SGCD: variants seen among roughly 807,000 people sequenced by gnomAD.
The protein encoded by SGCD is delta-sarcoglycan.
A neutral mutation model predicts 36.6 loss-of-function variants in SGCD; 18 were observed. The ratio of observed to expected loss-of-function variants is 0.49; its 90% CI spans 0.34 to 0.73. The LOEUF (loss-of-function observed/expected upper bound fraction) is 0.73. Among genes scored for constraint, SGCD ranks in the 30% least tolerant of loss-of-function variants. The pLI is 0.01. For synonymous variants in SGCD, 133 were observed against 130.6 expected, an observed-to-expected ratio of 1.02 and a Z score of -0.12; for missense variants, 387 against 346.7, an observed-to-expected ratio of 1.12 and a Z score of -0.92.
chr5:155,948,421 T>C (rs534740083), intron 1 of SGCD, among the ~76,000 whole-genome samples: 1 of 152,314 alleles, frequency 6.6e-6, no homozygotes, highest in East Asian at 1.9e-4. Context: ...CCACATCTCC[T>C]GTTGCCCATG....
At chr5:156,576,579 AG>A (rs1759967624) in intron 4 of SGCD, among the ~76,000 whole-genome samples, 2 of 152,180 alleles carry the variant, frequency 1.3e-5, no homozygotes, top group South Asian at 4.1e-4. Context: ...CATCCTCTCC[AG>A]CACTTGTTGT....
chr5:156,072,974 AG>A (rs1248010938), intron 1 of SGCD, among the ~76,000 whole-genome samples: 2 of 152,074 alleles, frequency 1.3e-5, no homozygotes, highest in African/African-American at 4.8e-5. Context: ...CTTGGCTTTC[AG>A]CTCCATCAGC....
At chr5:156,259,624 G>A (rs1374778009) in intron 3 of SGCD, among the ~76,000 whole-genome samples, 1 of 152,020 alleles carries the variant, frequency 6.6e-6, no homozygotes, top group Non-Finnish European at 1.5e-5. Flanking sequence ...AGTAAGAAAG[G>A]GATCTAGGTT....
chr5:155,743,276 A>G, the SGCD span, among the ~76,000 whole-genome samples: 2 of 152,190 alleles, frequency 1.3e-5, no homozygotes, highest in African/African-American at 2.4e-5. Context: ...ACAAAGTCTC[A>G]TTAGAACAAA....
chr5:156,687,029 TA>T (rs1289194965), intron 7 of SGCD, among the ~76,000 whole-genome samples: 1 of 152,184 alleles, frequency 6.6e-6, no homozygotes, highest in Non-Finnish European at 1.5e-5. Flanking sequence ...CCTGCTTCAG[TA>T]ATCAGCAGCT....
chr5:156,052,712 TA>T lies in SGCD; in HGVS notation c.-281-65156del, dbSNP rs367869720. On this transcript the variant is annotated intron_variant, in intron 1 of 9. Coordinates refer to the SGCD transcript ENST00000517913. ...AATGCAGGGTTCCTTGTTAAAGGAG[TA>T]AAAAAAAAAGTGCCATTAAAGGTAC... 7.8e-3 allele frequency among the ~76,000 whole-genome samples: 1,098 copies of T among 139,890 alleles called. 151 individuals carry two copies. The highest frequency in any genetic ancestry group is 0.013 in the Non-Finnish European group (811 of 62,080). 91.8% of individuals were successfully genotyped at this position (139,890 alleles called of 152,430 possible). A position where few individuals can be genotyped will look rare whatever the true frequency, so the allele number is the denominator to read the frequency against.
chr5:156,202,144 T>C (rs1472000704), intron 3 of SGCD, among the ~76,000 whole-genome samples: 1 of 152,198 alleles, frequency 6.6e-6, no homozygotes, highest in Non-Finnish European at 1.5e-5. Flanking sequence ...CAGGGGGTTC[T>C]TTCTTGGCCT....
At chr5:155,983,159 T>C (rs1036911245) in intron 1 of SGCD, among the ~76,000 whole-genome samples, 2 of 152,366 alleles carry the variant, frequency 1.3e-5, no homozygotes, top group East Asian at 3.9e-4. Context: ...TAATAGTATT[T>C]GCTAAGTATT....
intron 3 of SGCD, among the ~76,000 whole-genome samples, chr5:156,449,793 A>G (rs1753922993): frequency 6.9e-6 from 1 of 144,894 alleles, no homozygotes; most frequent in Non-Finnish European, 1.5e-5. Context: ...TGGAGGTTGC[A>G]GTGAGCCAAG....
chr5:155,812,311 T>A, the SGCD span, among the ~76,000 whole-genome samples: 1 of 152,230 alleles, frequency 6.6e-6, no homozygotes, highest in Non-Finnish European at 1.5e-5. Context: ...GATAGGAATC[T>A]TGGTGATGTG....
chr5:156,266,931 T>C (rs541644449), intron 3 of SGCD, among the ~76,000 whole-genome samples: 51 of 152,204 alleles, frequency 3.4e-4, no homozygotes, highest in African/African-American at 1.0e-3. Context: ...CTTTGAAAAA[T>C]TGAAAGAAAA....
At chr5:155,942,365 TTGTCTGCCTAC>T (rs1264160660) in intron 1 of SGCD, among the ~76,000 whole-genome samples, 1 of 151,534 alleles carries the variant, frequency 6.6e-6, no homozygotes, top group African/African-American at 2.4e-5. Flanking sequence ...TATCTATCTA[TTGTCTGCCTAC>T]CTACCTAATC....
intron 1 of SGCD, among the ~76,000 whole-genome samples, chr5:156,049,023 A>G (rs1759848182): frequency 6.8e-6 from 1 of 147,016 alleles, no homozygotes; most frequent in Non-Finnish European, 1.5e-5. Context: ...GAAGGGATCC[A>G]GTTTCAGCTT....
chr5:156,300,719 C>G (rs1024705539), intron 3 of SGCD, among the ~76,000 whole-genome samples: 2 of 152,058 alleles, frequency 1.3e-5, no homozygotes, highest in Admixed American at 6.6e-5. Flanking sequence ...GTGTTGAAGT[C>G]TCCAGCTATT....
intron 3 of SGCD, among the ~76,000 whole-genome samples, chr5:156,201,672 T>C (rs1764153284): frequency 6.6e-6 from 1 of 151,522 alleles, no homozygotes. Context: ...TAAAATCGAA[T>C]GAATGCCTCA....
chr5:156,177,703 G>A (rs761133550), intron 3 of SGCD, among the ~76,000 whole-genome samples: 1 of 152,114 alleles, frequency 6.6e-6, no homozygotes, highest in Non-Finnish European at 1.5e-5. Context: ...CCCCAAAAGA[G>A]TCCTTAAGTC....
At chr5:156,269,339 G>A (rs377544655) in intron 3 of SGCD, among the ~76,000 whole-genome samples, 10 of 151,690 alleles carry the variant, frequency 6.6e-5, no homozygotes, top group South Asian at 4.2e-4. Flanking sequence ...GCATGTTGGC[G>A]GGTGCCTGTT....
At chr5:156,360,318 G>C (rs1769719561) in intron 3 of SGCD, among the ~76,000 whole-genome samples, 1 of 150,718 alleles carries the variant, frequency 6.6e-6, no homozygotes, top group Non-Finnish European at 1.5e-5. Context: ...CACAGTCTTG[G>C]CTCACTGCAA....
rs140539976 is a variant in SGCD, at chr5:156,317,132, G to A, written c.-43-12402G>A. Among the ~76,000 whole-genome samples, 202 of 152,158 alleles carry A rather than the reference G, an allele frequency of 1.3e-3. 2 individuals are homozygous for A. The highest frequency in any genetic ancestry group is 4.6e-3 in the African/African-American group (193 of 41,552). On this transcript the variant is annotated intron_variant, in intron 3 of 9. Transcript: ENST00000517913. ...GAGTGTAAACACTTGCTACCAAAGC[G>A]TACCTATTCTGAATCTATTTAAATA...
Sources: allele counts gnomAD v4.1 joint callset (sites outside exome capture counted in the v4.1 genomes callset), GRCh38; gene constraint gnomAD v4.1.1; transcripts MANE v1.5; gene names NCBI Gene and HGNC (gene_info 2026-07-23, HGNC 2026-07-21).